Variants in NELL1 observed in about 807,000 individuals in gnomAD.
NELL1 encodes the protein protein kinase C-binding protein NELL1.
Under a neutral mutation model 107.4 loss-of-function variants are expected in NELL1, and 76 were observed. That is an observed-to-expected ratio of 0.71 (90% CI 0.59 to 0.86). The LOEUF (loss-of-function observed/expected upper bound fraction) is 0.86, where lower values mean the gene tolerates loss of function less well. Among genes scored for constraint, NELL1 ranks in the 40% least tolerant of loss-of-function variants. The pLI is 0.00. For missense variants in NELL1, 1,024 were observed against 1,005.5 expected (o/e 1.02, Z -0.25); for synonymous variants, 353 against 341.2 (o/e 1.03, Z -0.38).
intron 13 of NELL1, among the ~76,000 whole-genome samples, chr11:21,220,904 T>G (rs1377453591): frequency 6.6e-6 from 1 of 152,192 alleles, no homozygotes; most frequent in Admixed American, 6.5e-5. Flanking sequence ...TTGAGTACTA[T>G]GTTGACTAGC....
intron 13 of NELL1, among the ~76,000 whole-genome samples, chr11:21,227,857 G>A (rs1335621266): frequency 1.3e-5 from 2 of 152,114 alleles, no homozygotes; most frequent in Non-Finnish European, 2.9e-5. Flanking sequence ...CCCTACCTCT[G>A]TTGTGTGTGT....
intron 13 of NELL1, among the ~76,000 whole-genome samples, chr11:21,136,947 G>A (rs116843545): frequency 0.012 from 1,832 of 152,302 alleles, 22 homozygotes; most frequent in Non-Finnish European, 0.018. Flanking sequence ...AGTTGGCTAG[G>A]CGTATCCTTA....
intron 15 of NELL1, among the ~76,000 whole-genome samples, chr11:21,502,406 C>A (rs1855165662): frequency 6.6e-6 from 1 of 152,124 alleles, no homozygotes; most frequent in African/African-American, 2.4e-5. Flanking sequence ...ATTTGTTTTA[C>A]AATTTTGGTG....
chr11:20,727,171 C>T (rs1855526617), intron 2 of NELL1, among the ~76,000 whole-genome samples: 1 of 152,216 alleles, frequency 6.6e-6, no homozygotes, highest in Non-Finnish European at 1.5e-5. Context: ...GGAATCTCCA[C>T]ACTGTCTTCC....
intron 15 of NELL1, among the ~76,000 whole-genome samples, chr11:21,493,945 A>G (rs1300845398): frequency 6.6e-6 from 1 of 151,932 alleles, no homozygotes; most frequent in Non-Finnish European, 1.5e-5. Flanking sequence ...CCTTTCCCTT[A>G]TTAATAGGCA....
intron 15 of NELL1, among the ~76,000 whole-genome samples, chr11:21,428,137 C>T (rs985475986): frequency 1.8e-4 from 28 of 152,192 alleles, no homozygotes; most frequent in African/African-American, 6.7e-4. Flanking sequence ...AATCAGCTGG[C>T]TGTGGACAGA....
At chr11:20,806,093 C>T (rs776213824) in intron 3 of NELL1, among the ~76,000 whole-genome samples, 11 of 149,836 alleles carry the variant, frequency 7.3e-5, no homozygotes, top group Non-Finnish European at 1.3e-4. Flanking sequence ...GAGTTTTGTA[C>T]CTTCAGTGAT....
chr11:20,724,157 G>A (rs533185519), intron 2 of NELL1, among the ~76,000 whole-genome samples: 1 of 152,214 alleles, frequency 6.6e-6, no homozygotes, highest in East Asian at 1.9e-4. Context: ...GTGATGGAAG[G>A]GGTTGCCTTG....
At chr11:21,283,653 A>T (rs1849046157) in intron 14 of NELL1, 1 of 159,096 alleles carries the variant, frequency 6.3e-6, no homozygotes, top group Middle Eastern at 3.3e-3. Flanking sequence ...AATAGAACAC[A>T]AGGAAGGAGA....
intron 14 of NELL1, among the ~76,000 whole-genome samples, chr11:21,249,852 G>C (rs1449845194): frequency 3.9e-5 from 6 of 152,148 alleles, no homozygotes. Flanking sequence ...GGAAAGTCCA[G>C]AAGAAACTAA....
chr11:20,730,671 G>A lies in NELL1; in HGVS notation c.184+52611G>A, dbSNP rs16906695. Among the ~76,000 whole-genome samples the A allele has an allele frequency of 8.3e-3, 1,270 of 152,216 alleles. 14 individuals carry two copies. The highest frequency in any genetic ancestry group is 0.029 in the African/African-American group (1,184 of 41,526). On this transcript the variant is annotated intron_variant, in intron 2 of 19. Transcript: ENST00000357134. ...CCACGAATGGTGTGTGACTGTGACC[G>A]CTGCTTTGAACAGAAGTCTGTGCTT...
At chr11:21,114,010 T>TA (rs1565066940) in intron 13 of NELL1, among the ~76,000 whole-genome samples, 1 of 152,128 alleles carries the variant, frequency 6.6e-6, no homozygotes, top group East Asian at 1.9e-4. Context: ...ATACTAGTTC[T>TA]AAAAATAGAA....
rs114372491 is a variant in NELL1 at position 20,846,399 on chromosome 11, C to A, written c.336-1184C>A. Among the ~76,000 whole-genome samples, 1,232 of 152,180 alleles carry A rather than the reference C, an allele frequency of 8.1e-3. 19 individuals are homozygous for A. The highest frequency in any genetic ancestry group is 0.028 in the African/African-American group (1,180 of 41,510). ...GCATTTTGTCTTTTAGATTAAATAC[C>A]CTTTGGCTTGTGGGGTTAGCCAGCT... On this transcript the variant is annotated intron_variant, in intron 3 of 19. Transcript: ENST00000357134.
At chr11:21,085,154 A>G (rs1854360507) in intron 12 of NELL1, among the ~76,000 whole-genome samples, 1 of 152,208 alleles carries the variant, frequency 6.6e-6, no homozygotes, top group South Asian at 2.1e-4. Context: ...TTGAGTACCT[A>G]TAATATGTTC....
chr11:21,054,315 C>T (rs969485340), intron 12 of NELL1, among the ~76,000 whole-genome samples: 5 of 151,992 alleles, frequency 3.3e-5, no homozygotes, highest in Non-Finnish European at 7.4e-5. Context: ...AATATTGAAA[C>T]CATAATTTTT....
intron 12 of NELL1, among the ~76,000 whole-genome samples, chr11:21,042,509 A>G (rs1279633832): frequency 1.3e-5 from 2 of 152,192 alleles, no homozygotes; most frequent in Non-Finnish European, 2.9e-5. Flanking sequence ...CCATTGAAAG[A>G]GTCAATTATG....
intron 13 of NELL1, among the ~76,000 whole-genome samples, chr11:21,154,694 G>T (rs1856192974): frequency 6.6e-6 from 1 of 152,156 alleles, no homozygotes; most frequent in South Asian, 2.1e-4. Flanking sequence ...CTTCCTGGAA[G>T]GAGGAGATAT....
Position 21,444,820 on chromosome 11 carries a change from T to C in NELL1, c.1645+73872T>C, listed in dbSNP as rs762284394. Among the ~76,000 whole-genome samples the C allele has an allele frequency of 2.6e-5, 4 of 152,176 alleles. No homozygotes were observed. The South Asian group carries it at 8.3e-4, about 32-fold the overall frequency. ...TTGTGCTATCCAGTACTAGCTCTTA[T>C]TTGTTCTTTCTATTATCTGTACCTT... On this transcript the variant is annotated intron_variant, in intron 15 of 19. Coordinates refer to ENST00000357134, the MANE Select transcript of NELL1 (RefSeq NM_006157.5).
intron 13 of NELL1, among the ~76,000 whole-genome samples, chr11:21,168,338 TA>T (rs957037430): frequency 2.6e-5 from 4 of 151,962 alleles, no homozygotes; most frequent in South Asian, 2.1e-4. Context: ...TTTATTGAGT[TA>T]AAAAATATCA....
Sources: allele counts gnomAD v4.1 joint callset (sites outside exome capture counted in the v4.1 genomes callset), GRCh38; gene constraint gnomAD v4.1.1; transcripts MANE v1.5; gene names NCBI Gene and HGNC (gene_info 2026-07-23, HGNC 2026-07-21).